ARHGEF18: variants seen among roughly 807,000 people sequenced by gnomAD.
ARHGEF18 encodes Rho/Rac guanine nucleotide exchange factor 18, also known as rho guanine nucleotide exchange factor 18.
Under a neutral mutation model 155.7 loss-of-function variants are expected in ARHGEF18, and 93 were observed. The observed-to-expected ratio is 0.60, with a 90% CI of 0.50 to 0.71. The LOEUF (loss-of-function observed/expected upper bound fraction) is 0.71. Among genes scored for constraint, ARHGEF18 ranks in the 30% least tolerant of loss-of-function variants. ARHGEF18 has a pLI of 0.00. For synonymous variants in ARHGEF18, 742 were observed against 753.1 expected, an observed-to-expected ratio of 0.99 and a Z score of 0.24; for missense variants, 1,593 against 1,816.1, an observed-to-expected ratio of 0.88 and a Z score of 2.23.
chr19:7,372,262 G>A (rs1267613063), intron 2 of ARHGEF18, among the ~76,000 whole-genome samples: 1 of 152,152 alleles, frequency 6.6e-6, no homozygotes, highest in Non-Finnish European at 1.5e-5. Context: ...CAACCTGGAG[G>A]GCATGCCCAA....
chr19:7,462,433 AC>A lies in ARHGEF18; in HGVS notation c.2635+102del. The A allele has an allele frequency of 7.4e-7, 1 of 1,356,790 alleles. No individual in the cohort carries two copies. The highest frequency in any genetic ancestry group is 9.7e-7 in the Non-Finnish European group (1 of 1,028,782). 84.0% of individuals were successfully genotyped at this position (1,356,790 alleles called of 1,614,324 possible). A position where few individuals can be genotyped will look rare whatever the true frequency, so the allele number is the denominator to read the frequency against. On this transcript the variant is annotated intron_variant, in intron 21 of 28. Coordinates refer to ENST00000668164, the MANE Select transcript of ARHGEF18 (RefSeq NM_001367823.1). This position sits in a 1 kb window ranked among gnomAD's most constrained non-coding sequence, Gnocchi z 4.4. ...CACGGCTCATTGTGGCCGACACGGCACCCTGTCCAGGACAGGCTTCTATGTG... is the reference window on the plus strand; with the variant it reads ...CACGGCTCATTGTGGCCGACACGGCACCTGTCCAGGACAGGCTTCTATGTG...
At chr19:7,370,268 G>T (rs1166606629) in intron 2 of ARHGEF18, among the ~76,000 whole-genome samples, 1 of 152,122 alleles carries the variant, frequency 6.6e-6, no homozygotes, top group Non-Finnish European at 1.5e-5. Context: ...GGCCAAAGCG[G>T]GTGGATCACG....
chr19:7,351,653 C>A (rs556634985), intron 1 of ARHGEF18, among the ~76,000 whole-genome samples: 1 of 150,410 alleles, frequency 6.6e-6, no homozygotes, highest in South Asian at 2.1e-4. Context: ...CCCATCCAGC[C>A]ATCCCTGTAT....
chr19:7,409,048 A>T (rs148926423), intron 10 of ARHGEF18, among the ~76,000 whole-genome samples: 2 of 139,962 alleles, frequency 1.4e-5, no homozygotes. Flanking sequence ...CAAGAGCAAG[A>T]CCCTGTTTCT....
chr19:7,358,551 C>CCCATCCAT lies in ARHGEF18; in HGVS notation c.-110-4214_-110-4207dup, dbSNP rs201738875. ...ACCCATCCATTCAACCATCCACTCA[C>CCCATCCAT]CCATCCATCCATCCATCCATCCAAC... On this transcript the variant is annotated intron_variant, in intron 1 of 28. Transcript: ENST00000668164. Among the ~76,000 whole-genome samples, 552 of 147,646 alleles carry CCCATCCAT rather than the reference C, an allele frequency of 3.7e-3. 4 individuals carry two copies. Among genetic ancestry groups the CCCATCCAT allele is most frequent in the African/African-American group, 0.013 (508 of 40,172 alleles).
At chr19:7,401,949 G>A (rs10408632) in intron 10 of ARHGEF18, among the ~76,000 whole-genome samples, 138,606 of 152,194 alleles carry the variant, frequency 0.91, 63,284 homozygotes, top group African/African-American at 0.97. Context: ...TTGCTCAGTG[G>A]AAGAAGCCAG....
In ARHGEF18 at chr19:7,423,629, C is replaced by T. The variant is rs150676723; in HGVS notation, c.968-16715C>T. 2.8e-4 allele frequency among the ~76,000 whole-genome samples: 42 copies of T among 150,934 alleles called. No individual in the cohort carries two copies. In the East Asian group the frequency reaches 7.8e-3, roughly 28 times the overall value. ...GGCACGAGAATCACTTGAACCAACC[C>T]AGGAGGCAGAGGTTGCAATGAGCCG... On this transcript the variant is annotated intron_variant, in intron 10 of 28. Transcript: ENST00000668164.
At chr19:7,406,200 T>G (rs1972298473) in intron 10 of ARHGEF18, among the ~76,000 whole-genome samples, 1 of 152,144 alleles carries the variant, frequency 6.6e-6, no homozygotes, top group Admixed American at 6.6e-5. Context: ...TTCTCCTGCC[T>G]CAGCCTCCCA....
rs1326610408 is a variant in ARHGEF18 at position 7,458,465 on chromosome 19, T to G, written c.2182-47T>G. 3 of 1,577,014 alleles carry G rather than the reference T, an allele frequency of 1.9e-6. No homozygotes were observed. In the South Asian group the frequency reaches 3.5e-5, roughly 18 times the overall value. On this transcript the variant is annotated intron_variant, in intron 18 of 28. Coordinates refer to ENST00000668164, the MANE Select transcript of ARHGEF18 (RefSeq NM_001367823.1). ...GCCCTTGACCTCCCTGCTGTTTGGG[T>G]GCTGTGGGGTAAAGGGTGACCTCCC...
intron 8 of ARHGEF18, among the ~76,000 whole-genome samples, chr19:7,381,691 T>TAAATA (rs533011251): frequency 4.8e-5 from 7 of 146,092 alleles, no homozygotes; most frequent in African/African-American, 1.6e-4. Flanking sequence ...AATAAATAAA[T>TAAATA]AATAAATAAA....
rs557840219 is a variant in ARHGEF18 at position 7,351,472 on chromosome 19, C to T, written c.-111+2231C>T. Reference sequence around the variant, plus strand: ...CCAAGTAGCTGGGACTACAGGCGCCCGCCACCATGCCCGGCTAATTTTATG... The same window carrying T: ...CCAAGTAGCTGGGACTACAGGCGCCTGCCACCATGCCCGGCTAATTTTATG... On this transcript the variant is annotated intron_variant, in intron 1 of 28. Coordinates refer to ENST00000668164, the MANE Select transcript of ARHGEF18 (RefSeq NM_001367823.1). 5.9e-4 allele frequency among the ~76,000 whole-genome samples: 88 copies of T among 149,536 alleles called. No homozygotes were observed. In the East Asian group the frequency reaches 6.8e-3, roughly 12 times the overall value.
rs1159186670 is a variant in ARHGEF18, at chr19:7,457,353, C to CTTTTTTTTTTTTT, written c.2181+965_2181+977dup. 1.3e-4 allele frequency among the ~76,000 whole-genome samples: 8 copies of CTTTTTTTTTTTTT among 60,234 alleles called. 1 individual carries two copies. The highest frequency in any genetic ancestry group is 6.5e-4 in the African/African-American group (8 of 12,342). The allele number at this position is 60,234 out of a possible 152,430, so 39.5% of individuals were successfully genotyped here. ...ATCTCATTTTGCCATAATCACCTCT[C>CTTTTTTTTTTTTT]TTTTTTTTTTTTTTTTTTTTTTTTT... is the stretch of plus-strand genomic sequence containing the variant. On this transcript the variant is annotated intron_variant, in intron 18 of 28. Coordinates refer to ENST00000668164, the MANE Select transcript of ARHGEF18 (RefSeq NM_001367823.1).
intron 10 of ARHGEF18, among the ~76,000 whole-genome samples, chr19:7,397,351 G>A (rs989678724): frequency 6.6e-6 from 1 of 151,758 alleles, no homozygotes; most frequent in East Asian, 1.9e-4. Context: ...CTACAGCCTC[G>A]AACTCCTGGG....
intron 4 of ARHGEF18, among the ~76,000 whole-genome samples, chr19:7,376,277 C>A (rs1970458427): frequency 6.6e-6 from 1 of 152,102 alleles, no homozygotes; most frequent in South Asian, 2.1e-4. Context: ...GACCTGAGAT[C>A]CCAGCTCACA....
At chr19:7,431,810 A>AAAAATAAAAAAAAAC (rs1435374374) in intron 10 of ARHGEF18, among the ~76,000 whole-genome samples, 3 of 152,250 alleles carry the variant, frequency 2.0e-5, no homozygotes, top group Non-Finnish European at 2.9e-5. Context: ...GCGAAACTCC[A>AAAAATAAAAAAAAAC]GCTCAAACAA....
chr19:7,416,097 A>G (rs542669671), intron 10 of ARHGEF18, among the ~76,000 whole-genome samples: 1 of 152,182 alleles, frequency 6.6e-6, no homozygotes, highest in South Asian at 2.1e-4. Flanking sequence ...TGGTGATGTT[A>G]ATGTTGAAAA....
intron 23 of ARHGEF18, among the ~76,000 whole-genome samples, chr19:7,464,962 G>A (rs1430101736): frequency 2.6e-5 from 4 of 152,200 alleles, no homozygotes; most frequent in Admixed American, 6.5e-5. Flanking sequence ...AACAGGCGAG[G>A]AACCCCCTAC....
At chr19:7,464,447 C>A in intron 22 of ARHGEF18, 113 bp from the exon 23 acceptor site, 1 of 1,354,808 alleles carries the variant, frequency 7.4e-7, no homozygotes. Context: ...CAGACGCCAC[C>A]ATTCGGGCCT....
downstream of ARHGEF18, among the ~76,000 whole-genome samples, chr19:7,474,540 G>A (rs1030822927): frequency 4.6e-5 from 7 of 151,740 alleles, no homozygotes; most frequent in Admixed American, 2.0e-4. Flanking sequence ...CATCATGCCC[G>A]GCTAATTTTT....
Sources: allele counts gnomAD v4.1 joint callset (sites outside exome capture counted in the v4.1 genomes callset), GRCh38; gene constraint gnomAD v4.1.1; non-coding constraint Gnocchi (gnomAD v3.1); transcripts MANE v1.5; gene names NCBI Gene and HGNC (gene_info 2026-07-23, HGNC 2026-07-21).